TENM3: variants seen among roughly 807,000 people sequenced by gnomAD.
TENM3 encodes the protein teneurin transmembrane protein 3.
TENM3 carries 63 observed loss-of-function variants against 255.1 expected under a neutral mutation model. That is an observed-to-expected ratio of 0.25 (90% CI 0.20 to 0.30). The LOEUF is 0.30. TENM3 is among the 10% of genes least tolerant of loss of function. The pLI is 1.00. For synonymous variants in TENM3, 1,306 were observed against 1,322.3 expected (o/e 0.99, Z 0.27); for missense variants, 2,929 against 3,461.1 (o/e 0.85, Z 3.86).
the TENM3 span, among the ~76,000 whole-genome samples, chr4:181,916,097 C>T: frequency 1.3e-5 from 2 of 152,054 alleles, no homozygotes; most frequent in Non-Finnish European, 1.5e-5. Context: ...CCCTCCCACC[C>T]CAGGGGTTTA....
At chr4:182,385,821 T>C (rs1463373188) in intron 3 of TENM3, among the ~76,000 whole-genome samples, 1 of 152,218 alleles carries the variant, frequency 6.6e-6, no homozygotes, top group African/African-American at 2.4e-5. Context: ...TTTTAAATTA[T>C]CATATGAGAT....
At chr4:182,091,878 T>C in the TENM3 span, among the ~76,000 whole-genome samples, 1 of 152,040 alleles carries the variant, frequency 6.6e-6, no homozygotes, top group African/African-American at 2.4e-5. Flanking sequence ...TGAGAGGCAA[T>C]TGATAAATAA....
At chr4:181,728,586 C>T in the TENM3 span, among the ~76,000 whole-genome samples, 4 of 152,148 alleles carry the variant, frequency 2.6e-5, no homozygotes, top group South Asian at 6.2e-4. Flanking sequence ...TTTTAGCATG[C>T]TAATGCATTG....
At chr4:181,670,300 AGTAAT>A in the TENM3 span, among the ~76,000 whole-genome samples, 1 of 152,176 alleles carries the variant, frequency 6.6e-6, no homozygotes, top group African/African-American at 2.4e-5. Flanking sequence ...TTGTGGTAAA[AGTAAT>A]TGCCGAGAGT....
intron 3 of TENM3, among the ~76,000 whole-genome samples, chr4:182,432,228 G>A (rs12646609): frequency 0.5 from 75,699 of 151,658 alleles, 19,110 homozygotes; most frequent in South Asian, 0.59. Context: ...AAATTTCTAC[G>A]TGTAAAAGTT....
the TENM3 span, among the ~76,000 whole-genome samples, chr4:181,536,749 C>G: frequency 6.6e-6 from 1 of 152,134 alleles, no homozygotes; most frequent in Non-Finnish European, 1.5e-5. Context: ...TTATTCTGTA[C>G]TACTGGTGGG....
At chr4:182,100,818 T>TACAC in the TENM3 span, among the ~76,000 whole-genome samples, 4 of 12,318 alleles carry the variant, frequency 3.2e-4, no homozygotes, top group African/African-American at 1.2e-3. Context: ...CACATATATA[T>TACAC]ACACATATAT....
the TENM3 span, among the ~76,000 whole-genome samples, chr4:181,507,431 T>C: frequency 0.22 from 33,709 of 152,268 alleles, 4,790 homozygotes; most frequent in Non-Finnish European, 0.32. Context: ...CTTCAGAATC[T>C]GTTTACGAAA....
chr4:182,733,324 G>C (rs536223519), intron 16 of TENM3, among the ~76,000 whole-genome samples: 48 of 152,226 alleles, frequency 3.2e-4, no homozygotes, highest in Non-Finnish European at 5.7e-4. Flanking sequence ...CCATGGCAAA[G>C]ATAACTCTTT....
At chr4:182,350,929 C>T (rs988086707) in intron 3 of TENM3, among the ~76,000 whole-genome samples, 18 of 152,130 alleles carry the variant, frequency 1.2e-4, no homozygotes, top group Non-Finnish European at 2.5e-4. Flanking sequence ...GTGATCTGCC[C>T]GCCTCTGCCT....
the TENM3 span, among the ~76,000 whole-genome samples, chr4:181,582,719 G>C: frequency 9.9e-5 from 15 of 151,672 alleles, no homozygotes; most frequent in South Asian, 8.4e-4. Flanking sequence ...ACTCCTTTGC[G>C]GTTAGTGAGA....
At chr4:182,238,485 T>C (rs558645837), upstream of TENM3, among the ~76,000 whole-genome samples, 2 of 152,280 alleles carry the variant, frequency 1.3e-5, no homozygotes, top group South Asian at 4.1e-4. Context: ...CTGCTGTGTG[T>C]CCTCATCACC....
chr4:182,668,418 C>G (rs1349466450), intron 6 of TENM3, among the ~76,000 whole-genome samples: 1 of 152,088 alleles, frequency 6.6e-6, no homozygotes, highest in African/African-American at 2.4e-5. Context: ...GATATGGCTA[C>G]CCTTTTTTAA....
At chr4:181,926,941 C>A in the TENM3 span, among the ~76,000 whole-genome samples, 1 of 151,970 alleles carries the variant, frequency 6.6e-6, no homozygotes, top group East Asian at 2.0e-4. Flanking sequence ...CCAAGGGAAG[C>A]CGTGAGGGAC....
chr4:182,125,170 CGCTGTGTGTGCT>C, the TENM3 span, among the ~76,000 whole-genome samples: 270 of 128,746 alleles, frequency 2.1e-3, 1 homozygote, highest in African/African-American at 7.2e-3. Flanking sequence ...AGCGCATCCA[CGCTGTGTGTGCT>C]ACTCGCCCCT....
At chr4:182,110,245 G>A in the TENM3 span, among the ~76,000 whole-genome samples, 1 of 152,136 alleles carries the variant, frequency 6.6e-6, no homozygotes, top group Non-Finnish European at 1.5e-5. Context: ...GCACAGCTGA[G>A]GAGTTGGCCT....
chr4:182,761,563 T>G (rs1480763201), intron 22 of TENM3, among the ~76,000 whole-genome samples: 3 of 152,084 alleles, frequency 2.0e-5, no homozygotes, highest in East Asian at 1.9e-4. Flanking sequence ...AAAAACTGCA[T>G]TAAAAACTGA....
At chr4:181,990,670 C>T in the TENM3 span, among the ~76,000 whole-genome samples, 20 of 152,062 alleles carry the variant, frequency 1.3e-4, no homozygotes, top group Admixed American at 4.6e-4. Flanking sequence ...AAGCGGCATG[C>T]CGAGGAGGTT....
Position 182,161,858 on chromosome 4 carries a change from T to C in TENM3, c.-76+17104T>C, listed in dbSNP as rs1310073575. On this transcript the variant is annotated intron_variant, in intron 1 of 2. Transcript: ENST00000512480. Reference sequence around the variant, plus strand: ...ATATGTGTATATATACACAAATATATATGTGTATATATGTGTATATATATA... The same window carrying C: ...ATATGTGTATATATACACAAATATACATGTGTATATATGTGTATATATATA... Among the ~76,000 whole-genome samples the C allele has an allele frequency of 7.0e-4, 19 of 27,186 alleles. 7 individuals are homozygous for C. Among genetic ancestry groups the C allele is most frequent in the Admixed American group, 6.1e-3 (9 of 1,468 alleles). 17.8% of individuals were successfully genotyped at this position (27,186 alleles called of 152,430 possible).
Sources: allele counts gnomAD v4.1 joint callset (sites outside exome capture counted in the v4.1 genomes callset), GRCh38; gene constraint gnomAD v4.1.1; transcripts MANE v1.5; gene names NCBI Gene and HGNC (gene_info 2026-07-23, HGNC 2026-07-21).